The following CACHD1 variants were observed in gnomAD, a reference collection of about 807,000 sequenced individuals.
CACHD1 encodes the protein VWFA and cache domain-containing protein 1.
A neutral mutation model predicts 138.7 loss-of-function variants in CACHD1; 71 were observed. That is an observed-to-expected ratio of 0.51 (90% CI 0.42 to 0.62). The LOEUF (loss-of-function observed/expected upper bound fraction) is 0.62, where lower values mean the gene tolerates loss of function less well. Ranked by LOEUF, CACHD1 falls within the 20% of genes least tolerant of loss-of-function variation. CACHD1 has a pLI of 0.00. For missense variants in CACHD1, 1,389 were observed against 1,625.3 expected (o/e 0.85, Z 2.50); for synonymous variants, 578 against 591.5 (o/e 0.98, Z 0.33).
intron 4 of CACHD1, among the ~76,000 whole-genome samples, chr1:64,605,780 A>T (rs1416623585): frequency 6.6e-6 from 1 of 152,012 alleles, no homozygotes; most frequent in Non-Finnish European, 1.5e-5. Context: ...TTTTTTGTCT[A>T]TTTATTGTAT....
chr1:64,607,617 CAA>C (rs1326273755), intron 4 of CACHD1, among the ~76,000 whole-genome samples: 1 of 152,112 alleles, frequency 6.6e-6, no homozygotes, highest in East Asian at 1.9e-4. Flanking sequence ...GAGATTGACA[CAA>C]GAGCAAGGGG....
intron 15 of CACHD1, 74 bp from the exon 16 acceptor site, chr1:64,665,983 C>A (rs543236102): frequency 3.4e-5 from 28 of 825,102 alleles, no homozygotes; most frequent in Non-Finnish European, 5.1e-5. Flanking sequence ...CCAGCCTGGG[C>A]GACAGAGCAA....
At chr1:64,534,900 G>A (rs1190153593) in intron 1 of CACHD1, among the ~76,000 whole-genome samples, 1 of 152,244 alleles carries the variant, frequency 6.6e-6, no homozygotes, top group Non-Finnish European at 1.5e-5. Flanking sequence ...GCCTAGAGTT[G>A]TGGGATTGCA....
chr1:64,594,338 C>T (rs1647133049), intron 3 of CACHD1, among the ~76,000 whole-genome samples: 1 of 151,754 alleles, frequency 6.6e-6, no homozygotes, highest in Non-Finnish European at 1.5e-5. Flanking sequence ...ATTCCAAATG[C>T]TGTTTTCTTT....
At chr1:64,554,051 A>C (rs1486604445) in intron 2 of CACHD1, among the ~76,000 whole-genome samples, 2 of 152,088 alleles carry the variant, frequency 1.3e-5, no homozygotes, top group Non-Finnish European at 2.9e-5. Context: ...GTTTTTTAAG[A>C]GACAGGTTCT....
chr1:64,632,518 A>G, intron 5 of CACHD1, 81 bp from the exon 6 acceptor site: 1 of 1,434,736 alleles, frequency 7.0e-7, no homozygotes, highest in East Asian at 2.3e-5. Context: ...ATGCCCATGC[A>G]CTGTAGTGTT....
chr1:64,685,960 C>T (rs1340491453), intron 26 of CACHD1, among the ~76,000 whole-genome samples: 1 of 152,028 alleles, frequency 6.6e-6, no homozygotes, highest in East Asian at 1.9e-4. Context: ...GCCCACCCTG[C>T]CCTGAAGAAA....
chr1:64,538,073 C>G (rs1032235054), intron 1 of CACHD1, among the ~76,000 whole-genome samples: 6 of 152,142 alleles, frequency 3.9e-5, no homozygotes, highest in African/African-American at 1.4e-4. Flanking sequence ...GCATGTGGTG[C>G]TGCAGCCTTT....
chr1:64,506,732 C>T (rs990018796), intron 1 of CACHD1, among the ~76,000 whole-genome samples: 1 of 152,124 alleles, frequency 6.6e-6, no homozygotes, highest in African/African-American at 2.4e-5. Context: ...TGTTCTTGCC[C>T]GTTACTTACT....
intron 2 of CACHD1, among the ~76,000 whole-genome samples, chr1:64,568,164 T>C (rs1342340871): frequency 6.6e-6 from 1 of 152,088 alleles, no homozygotes; most frequent in Non-Finnish European, 1.5e-5. Flanking sequence ...ATTGGGGTTT[T>C]GTTTTGTTTT....
intron 1 of CACHD1, among the ~76,000 whole-genome samples, chr1:64,494,443 C>A (rs142857741): frequency 3.3e-5 from 5 of 152,314 alleles, no homozygotes; most frequent in South Asian, 2.1e-4. Context: ...GCAGTTGTCA[C>A]GGACGAGATT....
chr1:64,656,005 G>A (rs561867499), intron 12 of CACHD1, among the ~76,000 whole-genome samples: 1 of 152,304 alleles, frequency 6.6e-6, no homozygotes, highest in South Asian at 2.1e-4. Context: ...ATAGAGCATC[G>A]AGCCTAGTGG....
chr1:64,691,420 C>G lies in CACHD1; in HGVS notation c.3684C>G (p.Asp1228Glu). ...TCGATGTGGGAAACCATGATGAGGA[C>G]TTAGACCTGGATACCCCCCCTCAGA... The part of the protein sequence containing the change: ...AGVDVGNHDE[D>E]LDLDTPPQTA... Residue 1228 changes from aspartate (D) to glutamate (E), a missense_variant, in exon 27 of 27, where the codon GAC (aspartate) becomes GAG (glutamate). Coordinates refer to ENST00000651257, the MANE Select transcript of CACHD1 (RefSeq NM_020925.4). The G allele has an allele frequency of 6.2e-7, 1 of 1,614,108 alleles. No homozygotes were observed. The highest frequency in any genetic ancestry group is 8.5e-7 in the Non-Finnish European group (1 of 1,180,020).
chr1:64,684,851 C>A (rs1203786036), intron 26 of CACHD1, among the ~76,000 whole-genome samples: 1 of 152,080 alleles, frequency 6.6e-6, no homozygotes, highest in Admixed American at 6.6e-5. Flanking sequence ...CTCTTGTCGC[C>A]CAGGCTGGAG....
At chr1:64,567,193 G>C (rs976895744) in intron 2 of CACHD1, among the ~76,000 whole-genome samples, 26 of 152,072 alleles carry the variant, frequency 1.7e-4, no homozygotes, top group African/African-American at 4.3e-4. Flanking sequence ...TTCTATACTT[G>C]GCATTGTAGG....
intron 1 of CACHD1, among the ~76,000 whole-genome samples, chr1:64,532,710 C>T (rs899123016): frequency 2.6e-5 from 4 of 152,150 alleles, no homozygotes; most frequent in African/African-American, 9.7e-5. Flanking sequence ...ACTGTGAATT[C>T]ATTGGTAAGC....
chr1:64,561,139 TAATA>T (rs1378891359), intron 2 of CACHD1, among the ~76,000 whole-genome samples: 1 of 152,008 alleles, frequency 6.6e-6, no homozygotes, highest in Admixed American at 6.6e-5. Context: ...GGGAAATGTT[TAATA>T]AATTAATATT....
chr1:64,619,299 G>T (rs934101776), intron 4 of CACHD1, among the ~76,000 whole-genome samples: 10 of 152,098 alleles, frequency 6.6e-5, no homozygotes, highest in African/African-American at 2.4e-4. Context: ...AAATGGAGAA[G>T]GCATATTTTT....
At chr1:64,480,716 A>G (rs1242147689) in intron 1 of CACHD1, among the ~76,000 whole-genome samples, 3 of 151,894 alleles carry the variant, frequency 2.0e-5, no homozygotes, top group Admixed American at 2.0e-4. Flanking sequence ...ATTTAAAAAT[A>G]CTTTAGAGGA....
Sources: allele counts gnomAD v4.1 joint callset (sites outside exome capture counted in the v4.1 genomes callset), GRCh38; gene constraint gnomAD v4.1.1; transcripts MANE v1.5; gene names NCBI Gene and HGNC (gene_info 2026-07-23, HGNC 2026-07-21).